RBPJ: variants seen among roughly 807,000 people sequenced by gnomAD.
RBPJ encodes the protein recombining binding protein suppressor of hairless.
RBPJ carries 9 observed loss-of-function variants against 67.8 expected under a neutral mutation model. The observed-to-expected ratio is 0.13, with a 90% confidence interval of 0.08 to 0.23. The LOEUF (loss-of-function observed/expected upper bound fraction) is 0.23, where lower values mean the gene tolerates loss of function less well. RBPJ is among the 10% of genes least tolerant of loss of function. RBPJ has a pLI of 1.00. For synonymous variants in RBPJ, 198 were observed against 203.3 expected, an observed-to-expected ratio of 0.97 and a Z score of 0.22; for missense variants, 305 against 595.6, an observed-to-expected ratio of 0.51 and a Z score of 5.08.
At chr4:26,202,883 C>T (rs1718028779) in intron 1 of RBPJ, among the ~76,000 whole-genome samples, 2 of 143,520 alleles carry the variant, frequency 1.4e-5, no homozygotes, top group South Asian at 4.4e-4. Context: ...TACCACTGCA[C>T]TCCAGCCTGG....
chr4:26,379,899 C>T (rs112366694), intron 1 of RBPJ, among the ~76,000 whole-genome samples: 56 of 152,216 alleles, frequency 3.7e-4, no homozygotes, highest in Non-Finnish European at 7.9e-4. Flanking sequence ...TAGGATGTTT[C>T]TTCATTAAAA....
At chr4:26,334,649 G>T (rs1724620739) in intron 1 of RBPJ, among the ~76,000 whole-genome samples, 1 of 152,060 alleles carries the variant, frequency 6.6e-6, no homozygotes, top group Non-Finnish European at 1.5e-5. Context: ...ACTTGGTCTT[G>T]TTTTTATTTT....
At chr4:26,217,068 G>A (rs959596113) in intron 1 of RBPJ, among the ~76,000 whole-genome samples, 1 of 152,166 alleles carries the variant, frequency 6.6e-6, no homozygotes, top group Admixed American at 6.5e-5. Context: ...GCAAAACATG[G>A]AGGTGGTTTG....
chr4:26,313,974 A>T (rs1213458387), intron 1 of RBPJ, among the ~76,000 whole-genome samples: 1 of 152,160 alleles, frequency 6.6e-6, no homozygotes, highest in Non-Finnish European at 1.5e-5. Context: ...TAGGAAATAT[A>T]TATACATAGT....
intron 3 of RBPJ, among the ~76,000 whole-genome samples, chr4:26,406,696 A>G (rs1330518042): frequency 6.6e-6 from 1 of 152,238 alleles, no homozygotes; most frequent in African/African-American, 2.4e-5. Context: ...TTTGCTACTA[A>G]CATAAAACTT....
At chr4:26,208,727 T>C (rs1718255951) in intron 1 of RBPJ, among the ~76,000 whole-genome samples, 1 of 152,198 alleles carries the variant, frequency 6.6e-6, no homozygotes, top group South Asian at 2.1e-4. Context: ...CTTGTTGTAC[T>C]GAGCCTTCAC....
intron 1 of RBPJ, among the ~76,000 whole-genome samples, chr4:26,194,992 A>G (rs964723148): frequency 1.3e-5 from 2 of 152,224 alleles, no homozygotes; most frequent in African/African-American, 2.4e-5. Context: ...CTGTCTTTTC[A>G]GGTTTATACT....
At chr4:26,126,915 G>A in the RBPJ span, among the ~76,000 whole-genome samples, 2 of 152,180 alleles carry the variant, frequency 1.3e-5, no homozygotes, top group Non-Finnish European at 2.9e-5. Flanking sequence ...TGAACTTCAT[G>A]GACTGAGCTT....
chr4:26,417,290 C>G (rs1200831767), intron 4 of RBPJ, among the ~76,000 whole-genome samples: 7 of 152,208 alleles, frequency 4.6e-5, no homozygotes, highest in Admixed American at 4.6e-4. Flanking sequence ...CCAGTAGTAT[C>G]ACTGCTTGCC....
At chr4:26,115,151 G>A in the RBPJ span, among the ~76,000 whole-genome samples, 1 of 152,138 alleles carries the variant, frequency 6.6e-6, no homozygotes, top group Non-Finnish European at 1.5e-5. Context: ...TTTCTTCACA[G>A]AACCTGCTGT....
intron 1 of RBPJ, among the ~76,000 whole-genome samples, chr4:26,233,888 T>C (rs1265774636): frequency 1.3e-5 from 2 of 152,210 alleles, no homozygotes; most frequent in Admixed American, 1.3e-4. Context: ...GTAGGTGGCA[T>C]AGAATATCAT....
the RBPJ span, among the ~76,000 whole-genome samples, chr4:26,151,988 CT>C: frequency 6.6e-6 from 1 of 152,164 alleles, no homozygotes; most frequent in Non-Finnish European, 1.5e-5. Flanking sequence ...TCTGACGCCT[CT>C]TTATGGCAAA....
chr4:26,301,070 C>T (rs910608606), intron 1 of RBPJ, among the ~76,000 whole-genome samples: 2 of 152,186 alleles, frequency 1.3e-5, no homozygotes, highest in Admixed American at 6.5e-5. Context: ...GACTGCTGAT[C>T]CAATGACTAC....
intron 1 of RBPJ, among the ~76,000 whole-genome samples, chr4:26,246,365 T>G (rs6828703): frequency 0.26 from 40,227 of 152,096 alleles, 5,344 homozygotes; most frequent in African/African-American, 0.29. Flanking sequence ...TTTTCAGATT[T>G]TTCATCACTA....
At position 26,172,057 on chromosome 4, in the gene RBPJ, G is replaced by A. The variant is rs116549086; in HGVS notation, c.-167+8443G>A. The stretch of plus-strand genomic sequence containing the variant: ...TTTCAGTGTAAGGCCGGAGGGCAGC[G>A]AAGGCTGGAAATCCACATCGTCAAG... On this transcript the variant is annotated intron_variant, in intron 1 of 4. Transcript: ENST00000512351. Among the ~76,000 whole-genome samples the A allele has an allele frequency of 2.9e-3, 449 of 152,318 alleles. 5 individuals carry two copies. Among genetic ancestry groups the A allele is most frequent in the African/African-American group, 0.01 (435 of 41,566 alleles).
chr4:26,415,717 G>T, intron 4 of RBPJ, 77 bp downstream of exon 4: 2 of 1,390,030 alleles, frequency 1.4e-6, no homozygotes, highest in Non-Finnish European at 9.7e-7. Flanking sequence ...TTTTTGTGGT[G>T]GAGATTTTTT....
At chr4:26,147,576 G>A in the RBPJ span, among the ~76,000 whole-genome samples, 2 of 152,194 alleles carry the variant, frequency 1.3e-5, no homozygotes, top group Non-Finnish European at 2.9e-5. Context: ...ATTTCAGAGA[G>A]TGAAACTCCC....
At chr4:26,415,257 A>G (rs758340875) in intron 3 of RBPJ, among the ~76,000 whole-genome samples, 4 of 152,200 alleles carry the variant, frequency 2.6e-5, no homozygotes, top group South Asian at 2.1e-4. Context: ...CATAACTCCA[A>G]TATTTTGCCT....
the RBPJ span, among the ~76,000 whole-genome samples, chr4:26,154,271 T>A: frequency 3.8e-3 from 579 of 152,266 alleles, 6 homozygotes; most frequent in African/African-American, 0.013. Flanking sequence ...TCGGGCAAGT[T>A]GCTGCATTTT....
Sources: gnomAD v4.1 joint callset for allele counts (sites outside exome capture counted in the v4.1 genomes callset) on GRCh38, gnomAD v4.1.1 for gene constraint, MANE v1.5 for transcripts, NCBI Gene and HGNC (gene_info 2026-07-23, HGNC 2026-07-21) for gene names.